MFHAS1: variants seen among roughly 807,000 people sequenced by gnomAD.
MFHAS1 encodes the protein multifunctional ROCO family signaling regulator 1.
Under a neutral mutation model 70.4 loss-of-function variants are expected in MFHAS1, and 50 were observed. That is an observed-to-expected ratio of 0.71 (90% CI 0.57 to 0.90). The LOEUF is 0.90. Ranked by LOEUF, MFHAS1 falls within the 40% of genes least tolerant of loss-of-function variation. The probability of loss-of-function intolerance (pLI) is 0.00; values close to 1 mark genes in which losing one functional copy is unlikely to be tolerated. For missense variants in MFHAS1, 1,795 were observed against 1,347.6 expected (o/e 1.33, Z -5.20); for synonymous variants, 952 against 620.0 (o/e 1.54, Z -7.96).
intron 1 of MFHAS1, among the ~76,000 whole-genome samples, chr8:8,809,096 G>C (rs1432012348): frequency 1.3e-5 from 2 of 152,254 alleles, no homozygotes; most frequent in South Asian, 2.1e-4. Flanking sequence ...CGCGCTCCTT[G>C]TAAGAATCTA....
chr8:8,872,783 T>TAAAAATA (rs1554488300), intron 1 of MFHAS1, among the ~76,000 whole-genome samples: 3 of 149,480 alleles, frequency 2.0e-5, no homozygotes, highest in African/African-American at 7.4e-5. Context: ...AAAATAAAAA[T>TAAAAATA]AAAAAAAAAG....
intron 2 of MFHAS1, among the ~76,000 whole-genome samples, chr8:8,788,628 A>G (rs901188841): frequency 3.3e-5 from 5 of 152,350 alleles, no homozygotes; most frequent in African/African-American, 1.2e-4. Context: ...GCAGTGAACC[A>G]AGATTGTGCC....
intron 1 of MFHAS1, among the ~76,000 whole-genome samples, chr8:8,814,448 C>T (rs112366187): frequency 6.6e-6 from 1 of 152,216 alleles, no homozygotes; most frequent in African/African-American, 2.4e-5. Context: ...CTGTCATGTT[C>T]GCACGATGAC....
At position 8,783,730 on chromosome 8, in the gene MFHAS1, G is replaced by A. The variant is rs1259731070; in HGVS notation, c.*2292C>T. 10 of 152,208 alleles carry A rather than the reference G, an allele frequency of 6.6e-5. No homozygotes were observed. Among genetic ancestry groups the A allele is most frequent in the African/African-American group, 1.9e-4 (8 of 41,450 alleles). 9.4% of individuals were successfully genotyped at this position (152,208 alleles called of 1,614,324 possible). A position where few individuals can be genotyped will look rare whatever the true frequency, so the allele number is the denominator to read the frequency against. Reference sequence around the variant, plus strand: ...TTAGAAAACATTCCTCTTGTGCTTAGTGAATCACCTATCGCCTCGGTGGGC... The same window carrying A: ...TTAGAAAACATTCCTCTTGTGCTTAATGAATCACCTATCGCCTCGGTGGGC... On this transcript the variant is annotated 3_prime_UTR_variant, in exon 3 of 3. Transcript: ENST00000276282.
At chr8:8,865,981 A>G (rs1403959531) in intron 1 of MFHAS1, among the ~76,000 whole-genome samples, 1 of 152,200 alleles carries the variant, frequency 6.6e-6, no homozygotes, top group African/African-American at 2.4e-5. Flanking sequence ...GCAGCCACGG[A>G]AAAAGTGCCA....
Position 8,829,870 on chromosome 8 carries a change from C to A in MFHAS1, c.2999-32379G>T, listed in dbSNP as rs189559756. Among the ~76,000 whole-genome samples, 75 of 152,298 alleles carry A rather than the reference C, an allele frequency of 4.9e-4. 2 individuals are homozygous for A. In the East Asian group the frequency reaches 0.012, roughly 24 times the overall value. ...TCCACAAATGGAACAGATTGCCTCA[C>A]GTGAGGTCACGTTCAGAGGTGCCCA... is the stretch of plus-strand genomic sequence containing the variant. On this transcript the variant is annotated intron_variant, in intron 1 of 2. Coordinates refer to ENST00000276282, the MANE Select transcript of MFHAS1 (RefSeq NM_004225.3).
At chr8:8,879,124 G>A (rs1157495204) in intron 1 of MFHAS1, among the ~76,000 whole-genome samples, 1 of 152,140 alleles carries the variant, frequency 6.6e-6, no homozygotes, top group Non-Finnish European at 1.5e-5. Context: ...CGAGGCAGGA[G>A]GATCACTTGA....
intron 1 of MFHAS1, among the ~76,000 whole-genome samples, chr8:8,832,086 A>ACACG (rs1807417954): frequency 6.6e-6 from 1 of 151,602 alleles, no homozygotes; most frequent in Non-Finnish European, 1.5e-5. Context: ...ACACACACAC[A>ACACG]CACGCACCAA....
chr8:8,800,310 A>C (rs776646840), intron 1 of MFHAS1, among the ~76,000 whole-genome samples: 13 of 152,224 alleles, frequency 8.5e-5, no homozygotes, highest in Non-Finnish European at 1.8e-4. Flanking sequence ...GGATATCAAA[A>C]ATGCACTTCA....
At chr8:8,855,904 G>A (rs1312241571) in intron 1 of MFHAS1, among the ~76,000 whole-genome samples, 1 of 152,168 alleles carries the variant, frequency 6.6e-6, no homozygotes, top group Non-Finnish European at 1.5e-5. Flanking sequence ...ATTTTCATCT[G>A]AAGCAAGTTA....
Position 8,893,095 on chromosome 8 carries a change from G to A in MFHAS1, c.-37C>T, listed in dbSNP as rs1307271213. ...GGGCCGACAGCCTCACGCGGACGCG[G>A]GAGCCCGCAGCTACATGCCGCGCCG... On this transcript the variant is annotated 5_prime_UTR_variant, in exon 1 of 3. Transcript: ENST00000276282. 2.9e-6 allele frequency: 4 copies of A among 1,401,926 alleles called. No homozygotes were observed. The South Asian group carries it at 4.4e-5, about 15-fold the overall frequency. 86.8% of individuals were successfully genotyped at this position (1,401,926 alleles called of 1,614,324 possible). A position where few individuals can be genotyped will look rare whatever the true frequency, so the allele number is the denominator to read the frequency against.
At chr8:8,832,631 T>C (rs1475980043) in intron 1 of MFHAS1, among the ~76,000 whole-genome samples, 4 of 145,980 alleles carry the variant, frequency 2.7e-5, no homozygotes, top group East Asian at 2.0e-4. Context: ...TTTTTTCTTT[T>C]TTTTTTTTTT....
intron 1 of MFHAS1, among the ~76,000 whole-genome samples, chr8:8,878,763 A>G (rs988373628): frequency 6.6e-6 from 1 of 152,180 alleles, no homozygotes; most frequent in Non-Finnish European, 1.5e-5. Flanking sequence ...CACTACTGCT[A>G]TAACCTAGTA....
chr8:8,887,510 A>G (rs976277497), intron 1 of MFHAS1, among the ~76,000 whole-genome samples: 9 of 151,248 alleles, frequency 6.0e-5, no homozygotes, highest in African/African-American at 1.9e-4. Context: ...CAAAAAGACT[A>G]TAAGACAAAA....
Position 8,783,502 on chromosome 8 carries a change from C to G in MFHAS1, c.*2520G>C, listed in dbSNP as rs1271866900. 1 of 152,176 alleles carries G rather than the reference C, an allele frequency of 6.6e-6. No homozygotes were observed. Among genetic ancestry groups the G allele is most frequent in the Non-Finnish European group, 1.5e-5 (1 of 68,028 alleles). 9.4% of individuals were successfully genotyped at this position (152,176 alleles called of 1,614,324 possible). A position where few individuals can be genotyped will look rare whatever the true frequency, so the allele number is the denominator to read the frequency against. ...TCAGGAATTACACCAAACCCCTTTT[C>G]CTTTTTATTCATTCAAAAGAGAGTC... On this transcript the variant is annotated 3_prime_UTR_variant, in exon 3 of 3. Coordinates refer to ENST00000276282, the MANE Select transcript of MFHAS1 (RefSeq NM_004225.3).
chr8:8,842,040 G>A (rs942647176), intron 1 of MFHAS1, among the ~76,000 whole-genome samples: 11 of 152,204 alleles, frequency 7.2e-5, no homozygotes, highest in African/African-American at 2.2e-4. Context: ...AGCAATGTGG[G>A]AGGCTGAGTG....
chr8:8,884,766 C>T (rs7844068), intron 1 of MFHAS1, among the ~76,000 whole-genome samples: 31,347 of 152,038 alleles, frequency 0.21, 3,974 homozygotes, highest in African/African-American at 0.35. Flanking sequence ...CTGAGCAACA[C>T]AGCGAAACCC....
chr8:8,890,759 G>A lies in MFHAS1; in HGVS notation c.2300C>T (p.Ser767Phe), dbSNP rs913234775. The A allele has an allele frequency of 7.4e-6, 12 of 1,613,780 alleles. No homozygotes were observed. The highest frequency in any genetic ancestry group is 6.7e-5 in the Admixed American group (4 of 60,004). The stretch of plus-strand genomic sequence containing the variant: ...GGGGGTGGACCGCGCCATGGGCGGG[G>A]AGCTTTCCCCCTCCGCCTTGCCCTC... ...SGEGKAEGES[S>F]PPMARSTPSQ... The change falls in exon 1 of 3, where the codon TCC becomes TTC. Residue 767 changes from serine to phenylalanine, a missense_variant. Transcript: ENST00000276282.
At chr8:8,803,442 G>A (rs542411210) in intron 1 of MFHAS1, among the ~76,000 whole-genome samples, 6 of 150,560 alleles carry the variant, frequency 4.0e-5, no homozygotes, top group Non-Finnish European at 7.4e-5. Flanking sequence ...GCTTGAACCC[G>A]AGAGGCAGAG....
Sources: gnomAD v4.1 joint callset for allele counts (sites outside exome capture counted in the v4.1 genomes callset) on GRCh38, gnomAD v4.1.1 for gene constraint, MANE v1.5 for transcripts, NCBI Gene and HGNC (gene_info 2026-07-23, HGNC 2026-07-21) for gene names.